LDB2: variants seen among roughly 807,000 people sequenced by gnomAD.
The protein encoded by LDB2 is LIM domain binding 2.
A neutral mutation model predicts 44.3 loss-of-function variants in LDB2; 12 were observed. The observed-to-expected ratio is 0.27, with a 90% confidence interval of 0.17 to 0.44. The LOEUF (loss-of-function observed/expected upper bound fraction) is 0.44. Among genes scored for constraint, LDB2 ranks in the 20% least tolerant of loss-of-function variants. The pLI is 1.00. For synonymous variants in LDB2, 164 were observed against 174.8 expected (o/e 0.94, Z 0.49); for missense variants, 344 against 473.5 (o/e 0.73, Z 2.54).
rs1715035582 is a variant in LDB2 at position 16,582,351 on chromosome 4, C to T, written c.615+3571G>A. 6.6e-6 allele frequency among the ~76,000 whole-genome samples: 1 copy of T among 152,196 alleles called. No individual in the cohort carries two copies. Among genetic ancestry groups the T allele is most frequent in the African/African-American group, 2.4e-5 (1 of 41,448 alleles). ...TCATTGACCCGGATGGCCCAATGCG[C>T]ACTAAACTGCACTGCCTTCTCATGG... On this transcript the variant is annotated intron_variant, in intron 5 of 7. Coordinates refer to ENST00000304523, the MANE Select transcript of LDB2 (RefSeq NM_001290.5). This position sits in a 1 kb window ranked among gnomAD's most constrained non-coding sequence, Gnocchi z 4.8.
At chr4:16,618,248 C>T (rs370826178) in intron 2 of LDB2, among the ~76,000 whole-genome samples, 132 of 152,270 alleles carry the variant, frequency 8.7e-4, no homozygotes, top group Non-Finnish European at 1.4e-3. Flanking sequence ...ATAAGCCTAG[C>T]GTCTGACACT....
intron 2 of LDB2, among the ~76,000 whole-genome samples, chr4:16,708,503 T>A (rs1170503353): frequency 2.0e-5 from 3 of 152,058 alleles, no homozygotes; most frequent in African/African-American, 7.2e-5. Context: ...TACTTCACTT[T>A]TGTGGGAATT....
At chr4:16,890,572 A>G (rs924513298) in intron 1 of LDB2, among the ~76,000 whole-genome samples, 1 of 152,132 alleles carries the variant, frequency 6.6e-6, no homozygotes, top group African/African-American at 2.4e-5. Context: ...AGGGCATCCA[A>G]GAGGAAGTGG....
intron 2 of LDB2, among the ~76,000 whole-genome samples, chr4:16,640,744 C>G (rs1371369350): frequency 6.6e-6 from 1 of 152,146 alleles, no homozygotes; most frequent in Non-Finnish European, 1.5e-5. Context: ...TTGACAGATA[C>G]AGGATCAAAC....
chr4:16,605,827 G>A (rs938511293), intron 2 of LDB2, among the ~76,000 whole-genome samples: 6 of 152,206 alleles, frequency 3.9e-5, no homozygotes, highest in African/African-American at 1.4e-4. Context: ...TAAGGATGGA[G>A]GAGTCAGGAA....
intron 3 of LDB2, among the ~76,000 whole-genome samples, chr4:16,591,526 G>GA (rs902075205): frequency 1.3e-5 from 2 of 152,098 alleles, no homozygotes; most frequent in African/African-American, 4.8e-5. Context: ...TTTCTTTAAG[G>GA]AAAAATAAAT....
intron 5 of LDB2, among the ~76,000 whole-genome samples, chr4:16,543,243 G>T (rs1274206404): frequency 6.6e-6 from 1 of 152,170 alleles, no homozygotes; most frequent in Non-Finnish European, 1.5e-5. Flanking sequence ...ACTTGTGCAT[G>T]TGTCTTTATA....
chr4:16,591,651 T>C (rs961363580), intron 3 of LDB2, among the ~76,000 whole-genome samples: 2 of 152,100 alleles, frequency 1.3e-5, no homozygotes, highest in Non-Finnish European at 2.9e-5. Flanking sequence ...GTACCCAGCA[T>C]AGAAATTAAA....
chr4:16,804,313 G>C (rs2109782176), intron 1 of LDB2, among the ~76,000 whole-genome samples: 1 of 152,116 alleles, frequency 6.6e-6, no homozygotes, highest in Non-Finnish European at 1.5e-5. Flanking sequence ...TTAATACATA[G>C]AAAGGGGGTA....
At chr4:16,699,675 A>G (rs1358277365) in intron 2 of LDB2, among the ~76,000 whole-genome samples, 1 of 152,216 alleles carries the variant, frequency 6.6e-6, no homozygotes, top group Non-Finnish European at 1.5e-5. Flanking sequence ...CAAAAATAAA[A>G]ACTGTAGAGA....
intron 5 of LDB2, among the ~76,000 whole-genome samples, chr4:16,543,961 CT>C (rs761646901): frequency 2.2e-4 from 34 of 151,780 alleles, no homozygotes; most frequent in Admixed American, 4.6e-4. Context: ...CTCTTTTTTT[CT>C]TTCCTAATAA....
chr4:16,722,847 C>T (rs1758582824), intron 2 of LDB2, among the ~76,000 whole-genome samples: 1 of 152,086 alleles, frequency 6.6e-6, no homozygotes, highest in African/African-American at 2.4e-5. Flanking sequence ...AGCAAGAAGG[C>T]CCAGACAGTC....
chr4:16,659,651 ATATGAG>A (rs1441335722), intron 2 of LDB2, among the ~76,000 whole-genome samples: 2 of 29,610 alleles, frequency 6.8e-5, no homozygotes, highest in East Asian at 6.2e-4. Context: ...ACACACACAC[ATATGAG>A]TATATCTATG....
intron 1 of LDB2, chr4:16,892,977 T>C (rs1723849703): frequency 2.4e-6 from 1 of 411,900 alleles, no homozygotes; most frequent in Admixed American, 6.4e-5. Context: ...GAATAGTTAG[T>C]TTGCAGCAAT....
intron 2 of LDB2, among the ~76,000 whole-genome samples, chr4:16,685,205 A>G (rs180942044): frequency 6.8e-4 from 103 of 152,304 alleles, no homozygotes; most frequent in African/African-American, 2.3e-3. Flanking sequence ...ACCAGCTGCT[A>G]ATGAGCAGAG....
chr4:16,714,871 C>T (rs993256045), intron 2 of LDB2, among the ~76,000 whole-genome samples: 9 of 152,076 alleles, frequency 5.9e-5, no homozygotes, highest in African/African-American at 1.7e-4. Flanking sequence ...ATATCCTCTC[C>T]TTTCTCTTCT....
chr4:16,803,080 A>G (rs185274533), intron 1 of LDB2, among the ~76,000 whole-genome samples: 3 of 152,298 alleles, frequency 2.0e-5, no homozygotes, highest in African/African-American at 7.2e-5. Context: ...TGATGCAGTA[A>G]TATTCTACTG....
chr4:16,541,616 C>T (rs769834129), intron 5 of LDB2, among the ~76,000 whole-genome samples: 12 of 152,292 alleles, frequency 7.9e-5, no homozygotes, highest in South Asian at 4.1e-4. Flanking sequence ...AAGGGCTGAG[C>T]AGCATCAAGA....
intron 2 of LDB2, among the ~76,000 whole-genome samples, chr4:16,637,889 C>G (rs1734044553): frequency 6.6e-6 from 1 of 152,134 alleles, no homozygotes; most frequent in Non-Finnish European, 1.5e-5. Flanking sequence ...AGAGGGGGCA[C>G]AGGGTACTGC....
Sources: allele counts gnomAD v4.1 joint callset (sites outside exome capture counted in the v4.1 genomes callset), GRCh38; gene constraint gnomAD v4.1.1; non-coding constraint Gnocchi (gnomAD v3.1); transcripts MANE v1.5; gene names NCBI Gene and HGNC (gene_info 2026-07-23, HGNC 2026-07-21).